Variants in C19orf18 observed in about 807,000 individuals in gnomAD.
The protein encoded by C19orf18 is uncharacterized protein C19orf18.
Under a neutral mutation model 23.3 loss-of-function variants are expected in C19orf18, and 21 were observed. That is an observed-to-expected ratio of 0.90 (90% CI 0.64 to 1.30). The LOEUF (loss-of-function observed/expected upper bound fraction) is 1.30. Among genes scored for constraint, C19orf18 ranks in the 50% most tolerant of loss-of-function variants. The probability of loss-of-function intolerance (pLI) is 0.00; values close to 1 mark genes in which losing one functional copy is unlikely to be tolerated. For synonymous variants in C19orf18, 96 were observed against 95.2 expected (o/e 1.01, Z -0.05); for missense variants, 249 against 259.6 (o/e 0.96, Z 0.28).
At chr19:57,973,072 C>T (rs1442176781) in intron 2 of C19orf18, among the ~76,000 whole-genome samples, 2 of 139,146 alleles carry the variant, frequency 1.4e-5, no homozygotes, top group Non-Finnish European at 3.0e-5. Context: ...TGCTTGAACC[C>T]GGCGGTGGAG....
rs61625681 is a variant in C19orf18, at chr19:57,973,145, C to CA, written c.227-642dup. Among the ~76,000 whole-genome samples the CA allele has an allele frequency of 1.2e-3, 30 of 24,186 alleles. 9 individuals carry two copies. Among genetic ancestry groups the CA allele is most frequent in the Admixed American group, 3.2e-3 (4 of 1,244 alleles). 15.9% of individuals were successfully genotyped at this position (24,186 alleles called of 152,430 possible). A position where few individuals can be genotyped will look rare whatever the true frequency, so the allele number is the denominator to read the frequency against. On this transcript the variant is annotated intron_variant, in intron 2 of 5. Coordinates refer to ENST00000314391, the MANE Select transcript of C19orf18 (RefSeq NM_152474.5). The stretch of plus-strand genomic sequence containing the variant: ...TGGGTGACAGAGTGAGACTCCGTCT[C>CA]AAAAAAAAAAAAAAAAAAAAAAAAA...
intron 3 of C19orf18, among the ~76,000 whole-genome samples, chr19:57,971,877 C>T (rs1214729800): frequency 6.6e-6 from 1 of 152,176 alleles, no homozygotes; most frequent in Non-Finnish European, 1.5e-5. Context: ...GAGTATCAGG[C>T]TTCTTCCTTC....
chr19:57,972,397 G>A (rs1404792489), intron 3 of C19orf18, 66 bp downstream of exon 3: 4 of 1,576,336 alleles, frequency 2.5e-6, no homozygotes, highest in Non-Finnish European at 3.5e-6. Flanking sequence ...ACCCTCTGGA[G>A]CCACACATCA....
chr19:57,961,259 G>C, intron 5 of C19orf18, 132 bp downstream of exon 5: 1 of 1,025,130 alleles, frequency 9.8e-7, no homozygotes, highest in South Asian at 1.8e-5. Context: ...AGAAAGAAAG[G>C]AAGGAAGAAA....
chr19:57,960,758 A>G (rs1287191651), intron 5 of C19orf18, among the ~76,000 whole-genome samples: 1 of 152,224 alleles, frequency 6.6e-6, no homozygotes, highest in African/African-American at 2.4e-5. Context: ...AAAGGAACTG[A>G]GCAACCCCAC....
Position 57,959,614 on chromosome 19 carries a change from G to C in C19orf18, c.533-897C>G, listed in dbSNP as rs755807481. The stretch of plus-strand genomic sequence containing the variant: ...CACTCCAGCCTGGGCAACAGAGCGA[G>C]ACTCCATCTCAAAAAGAAACCACAA... On this transcript the variant is annotated intron_variant, in intron 5 of 5. Transcript: ENST00000314391. Among the ~76,000 whole-genome samples the C allele has an allele frequency of 5.1e-4, 77 of 150,888 alleles. 1 individual carries two copies. Among genetic ancestry groups the C allele is most frequent in the Non-Finnish European group, 9.4e-4 (64 of 67,748 alleles).
rs1337122801 is a variant in C19orf18 at position 57,961,413 on chromosome 19, C to T, written c.510G>A (p.Glu170=). The T allele has an allele frequency of 1.7e-5, 28 of 1,613,692 alleles. No homozygotes were observed. Among genetic ancestry groups the T allele is most frequent in the Non-Finnish European group, 2.3e-5 (27 of 1,179,900 alleles). The part of the protein sequence containing the change: ...STHLLPENEN[E]LEKFIHSVII... ...TACCTGAGTGGATGAACTTTTCCAG[C>T]TCATTTTCGTTCTCTGGAAGTAGGT... is the stretch of plus-strand genomic sequence containing the variant. The change falls in exon 5 of 6, where the codon GAG becomes GAA. Residue 170 remains glutamate, a synonymous_variant. Coordinates refer to ENST00000314391, the MANE Select transcript of C19orf18 (RefSeq NM_152474.5).
chr19:57,967,739 T>G (rs1172405400), intron 3 of C19orf18, among the ~76,000 whole-genome samples: 4 of 139,520 alleles, frequency 2.9e-5, no homozygotes, highest in African/African-American at 1.1e-4. Context: ...GTGACGGGAA[T>G]GAAACCCTGT....
intron 5 of C19orf18, among the ~76,000 whole-genome samples, chr19:57,959,705 G>A (rs1163886091): frequency 1.3e-5 from 2 of 150,720 alleles, no homozygotes; most frequent in Non-Finnish European, 2.9e-5. Flanking sequence ...TGAGGTGGGA[G>A]GATTAACTGA....
rs1568565058 is a variant in C19orf18 at position 57,958,714 on chromosome 19, A to G, written c.536T>C (p.Ile179Thr). 1 of 1,484,414 alleles carries G rather than the reference A, an allele frequency of 6.7e-7. No homozygotes were observed. Among genetic ancestry groups the G allele is most frequent in the Admixed American group, 1.9e-5 (1 of 53,764 alleles). The allele number at this position is 1,484,414 out of a possible 1,614,324, so 92.0% of individuals were successfully genotyped here. ...AATATTTTTGCTTCTTTTTGATATAATAACTAAAATGTAGAAATGATGTTA... is the reference window on the plus strand; with the variant it reads ...AATATTTTTGCTTCTTTTTGATATAGTAACTAAAATGTAGAAATGATGTTA... Reference protein sequence around the residue: ...NELEKFIHSVIISKRSKNIKK... With the variant: ...NELEKFIHSVTISKRSKNIKK... The change falls in exon 6 of 6, where the codon ATT (isoleucine) becomes ACT (threonine). Residue 179 changes from isoleucine (I) to threonine (T), a missense_variant. By Grantham distance (89) the Ile-to-Thr change is moderately conservative. Transcript: ENST00000314391.
intron 4 of C19orf18, among the ~76,000 whole-genome samples, chr19:57,964,674 T>C (rs541747339): frequency 1.3e-5 from 2 of 152,330 alleles, no homozygotes; most frequent in East Asian, 3.9e-4. Flanking sequence ...CCCTTTTACC[T>C]TTAATGTCAC....
intron 3 of C19orf18, among the ~76,000 whole-genome samples, chr19:57,969,122 T>C (rs1353295523): frequency 6.6e-6 from 1 of 152,138 alleles, no homozygotes; most frequent in Non-Finnish European, 1.5e-5. Context: ...GGTGTACCCG[T>C]GTGTGGTGGG....
rs1264717404 is a variant in C19orf18, at chr19:57,958,653, T to C, written c.597A>G (p.Thr199=). ...GTGACGCATTCTTTGTTTTGTTTTC[T>C]GTTACTGAGTTTTGCTCTTCCTTCA... ...KKLKEEQNSV[T]ENKTKNASHN... is the part of the protein sequence containing the mutation. The change falls in exon 6 of 6, where the codon ACA becomes ACG. Residue 199 remains threonine, a synonymous_variant. Coordinates refer to ENST00000314391, the MANE Select transcript of C19orf18 (RefSeq NM_152474.5). 1.2e-6 allele frequency: 2 copies of C among 1,608,128 alleles called. No individual in the cohort carries two copies. The highest frequency in any genetic ancestry group is 2.7e-5 in the African/African-American group (2 of 74,676).
intron 4 of C19orf18, 31 bp from the exon 5 acceptor site, chr19:57,961,582 A>C: frequency 1.0e-6 from 1 of 957,310 alleles, no homozygotes. Context: ...ATTTAGAAGC[A>C]CAGTTTTCAT....
At chr19:57,961,788 A>T (rs73064272) in intron 4 of C19orf18, among the ~76,000 whole-genome samples, 2 of 152,228 alleles carry the variant, frequency 1.3e-5, no homozygotes, top group African/African-American at 4.8e-5. Context: ...ACTAGACGTG[A>T]ACAAGGCACT....
At chr19:57,961,221 T>C (rs1203336674) in intron 5 of C19orf18, among the ~76,000 whole-genome samples, 170 bp downstream of exon 5, 2 of 142,982 alleles carry the variant, frequency 1.4e-5, no homozygotes, top group Non-Finnish European at 3.0e-5. Flanking sequence ...GGCTACAGAG[T>C]AAGAGTCCGT....
chr19:57,972,857 C>T (rs537853985), intron 2 of C19orf18, among the ~76,000 whole-genome samples: 5 of 152,166 alleles, frequency 3.3e-5, no homozygotes, highest in East Asian at 1.9e-4. Flanking sequence ...GAAGGGGCTA[C>T]GACCTCATTA....
chr19:57,969,508 T>C (rs1390323928), intron 3 of C19orf18, among the ~76,000 whole-genome samples: 2 of 124,340 alleles, frequency 1.6e-5, no homozygotes, highest in Non-Finnish European at 3.1e-5. Flanking sequence ...TGAGCCGCGA[T>C]GGCGCCATTG....
intron 4 of C19orf18, among the ~76,000 whole-genome samples, chr19:57,963,705 G>C (rs1265731025): frequency 6.6e-6 from 1 of 151,956 alleles, no homozygotes; most frequent in Non-Finnish European, 1.5e-5. Context: ...GGGTAACATG[G>C]TGAAACCCCG....
Sources: gnomAD v4.1 joint callset for allele counts (sites outside exome capture counted in the v4.1 genomes callset) on GRCh38, gnomAD v4.1.1 for gene constraint, MANE v1.5 for transcripts, NCBI Gene and HGNC (gene_info 2026-07-23, HGNC 2026-07-21) for gene names.